RIPOR2: variants seen among roughly 807,000 people sequenced by gnomAD.
RIPOR2 encodes RHO family interacting cell polarization regulator 2.
Under a neutral mutation model 114.5 loss-of-function variants are expected in RIPOR2, and 39 were observed. That is an observed-to-expected ratio of 0.34 (90% CI 0.26 to 0.44). The LOEUF (loss-of-function observed/expected upper bound fraction) is 0.44, where lower values mean the gene tolerates loss of function less well. RIPOR2 is among the 20% of genes least tolerant of loss of function. The probability of loss-of-function intolerance (pLI) is 1.00; values close to 1 mark genes in which losing one functional copy is unlikely to be tolerated. For synonymous variants in RIPOR2, 445 were observed against 484.4 expected (o/e 0.92, Z 1.07); for missense variants, 1,007 against 1,255.1 (o/e 0.80, Z 2.99).
intron 1 of RIPOR2, among the ~76,000 whole-genome samples, chr6:24,907,765 T>C (rs2114048661): frequency 6.6e-6 from 1 of 152,264 alleles, no homozygotes; most frequent in African/African-American, 2.4e-5. Flanking sequence ...TATAAGTAAA[T>C]GAAATGAAGA....
chr6:24,906,307 C>T (rs974007773), intron 1 of RIPOR2, among the ~76,000 whole-genome samples: 7 of 152,166 alleles, frequency 4.6e-5, no homozygotes, highest in Admixed American at 1.3e-4. Context: ...ACCCTCTGTG[C>T]CTTCAGGGAG....
At chr6:24,819,607 G>A (rs1240744908) in intron 19 of RIPOR2, among the ~76,000 whole-genome samples, 3 of 141,622 alleles carry the variant, frequency 2.1e-5, no homozygotes, top group Admixed American at 7.5e-5. Flanking sequence ...TCCATCTCCC[G>A]GGTTCAAGAG....
intron 19 of RIPOR2, among the ~76,000 whole-genome samples, chr6:24,823,369 C>T (rs1759868793): frequency 6.6e-6 from 1 of 152,200 alleles, no homozygotes; most frequent in Non-Finnish European, 1.5e-5. Flanking sequence ...TCCTTGGAGG[C>T]TCAGTTTCCT....
chr6:24,994,820 A>G (rs1454963637), intron 1 of RIPOR2, among the ~76,000 whole-genome samples: 1 of 152,176 alleles, frequency 6.6e-6, no homozygotes, highest in African/African-American at 2.4e-5. Flanking sequence ...CCCCATCTCT[A>G]CTTGAGCTTA....
rs1396702967 is a variant in RIPOR2, at chr6:24,809,781, C to T, written c.2979G>A (p.Val993=). ...CTTCAGTATCAGATTGACACAATGT[C>T]ACCAGCATTTTAATGCTTTCAGTAG... is the stretch of plus-strand genomic sequence containing the variant. The part of the protein sequence containing the change: ...LEATESIKML[V]TLCQSDTEEI... Residue 993 remains valine, a synonymous_variant, in exon 21 of 22, where the codon GTG becomes GTA. Transcript: ENST00000643898. 2 of 1,550,692 alleles carry T rather than the reference C, an allele frequency of 1.3e-6. No individual in the cohort carries two copies. The highest frequency in any genetic ancestry group is 2.4e-5 in the South Asian group (2 of 84,032).
chr6:24,997,046 T>C (rs1328949203), intron 1 of RIPOR2, among the ~76,000 whole-genome samples: 3 of 152,238 alleles, frequency 2.0e-5, no homozygotes, highest in Non-Finnish European at 4.4e-5. Flanking sequence ...CAGTTTCAAA[T>C]GTGAATTACT....
At chr6:25,002,464 G>A (rs1775364921) in intron 1 of RIPOR2, among the ~76,000 whole-genome samples, 1 of 152,170 alleles carries the variant, frequency 6.6e-6, no homozygotes, top group South Asian at 2.1e-4. Flanking sequence ...TAGGAAATAA[G>A]GTCCACTGTG....
At chr6:24,905,769 G>A (rs1241669431) in intron 1 of RIPOR2, among the ~76,000 whole-genome samples, 5 of 152,172 alleles carry the variant, frequency 3.3e-5, no homozygotes, top group Non-Finnish European at 5.9e-5. Context: ...GGAAAATCAC[G>A]TGTGCTTTTA....
At chr6:24,886,746 G>C (rs772252394) in intron 1 of RIPOR2, among the ~76,000 whole-genome samples, 1 of 152,148 alleles carries the variant, frequency 6.6e-6, no homozygotes, top group Admixed American at 6.5e-5. Context: ...TTGATCAGTT[G>C]GTTAAAGTGT....
intron 1 of RIPOR2, chr6:25,024,098 A>G: frequency 2.5e-6 from 2 of 787,122 alleles, no homozygotes; most frequent in East Asian, 2.5e-5. Flanking sequence ...AGCGAGTACC[A>G]GGTGAGCTCA....
intron 8 of RIPOR2, 24 bp downstream of exon 8, chr6:24,860,949 C>G (rs1206526423): frequency 2.7e-6 from 4 of 1,488,600 alleles, no homozygotes; most frequent in East Asian, 4.6e-5. Flanking sequence ...GCTCCTTATT[C>G]TCTCTAAACA....
chr6:24,865,831 T>C lies in RIPOR2; in HGVS notation c.502-381A>G, dbSNP rs141952535. Among the ~76,000 whole-genome samples the C allele has an allele frequency of 3.9e-4, 59 of 152,150 alleles. No individual in the cohort carries two copies. In the East Asian group the frequency reaches 9.2e-3, roughly 24 times the overall value. ...AAATAAGTATTAAACAAATAAGTAT[T>C]AAATAATAAAAATAATTAAGTATTA... On this transcript the variant is annotated intron_variant, in intron 6 of 21. Coordinates refer to ENST00000643898, the MANE Select transcript of RIPOR2 (RefSeq NM_001286445.3).
At chr6:24,817,976 C>CTATTTTTTTTTTTT (rs758675486) in intron 20 of RIPOR2, among the ~76,000 whole-genome samples, 1 of 84,448 alleles carries the variant, frequency 1.2e-5, no homozygotes, top group South Asian at 3.1e-4. Context: ...CTCTCTCTCT[C>CTATTTTTTTTTTTT]TCTTTTTTTT....
intron 1 of RIPOR2, among the ~76,000 whole-genome samples, chr6:24,902,508 C>T (rs1297948198): frequency 6.6e-6 from 1 of 152,140 alleles, no homozygotes; most frequent in Non-Finnish European, 1.5e-5. Flanking sequence ...CAAGCCACCG[C>T]GACTGGCACT....
intron 1 of RIPOR2, among the ~76,000 whole-genome samples, chr6:25,001,371 T>A (rs1259839713): frequency 6.6e-6 from 1 of 152,052 alleles, no homozygotes; most frequent in Non-Finnish European, 1.5e-5. Context: ...ACGCGTGTAA[T>A]CCCAGCACTT....
At chr6:24,895,464 T>G (rs892821683) in intron 1 of RIPOR2, among the ~76,000 whole-genome samples, 2 of 151,976 alleles carry the variant, frequency 1.3e-5, no homozygotes, top group African/African-American at 4.8e-5. Flanking sequence ...CTTCTAGGGT[T>G]TAATTTTTCT....
chr6:24,847,790 C>T lies in RIPOR2; in HGVS notation c.1164+235G>A, dbSNP rs575571386. 70 of 1,288,410 alleles carry T rather than the reference C, an allele frequency of 5.4e-5. 2 individuals are homozygous for T. In the South Asian group the frequency reaches 9.5e-4, roughly 18 times the overall value. The allele number at this position is 1,288,410 out of a possible 1,614,324, so 79.8% of individuals were successfully genotyped here. A position where few individuals can be genotyped will look rare whatever the true frequency, so the allele number is the denominator to read the frequency against. ...AGCATTTTTGATTAAAACAAGGAGG[C>T]TATTATTTATATGCACTTCTTTAAA... is the stretch of plus-strand genomic sequence containing the variant. On this transcript the variant is annotated intron_variant, in intron 12 of 21. Coordinates refer to ENST00000643898, the MANE Select transcript of RIPOR2 (RefSeq NM_001286445.3).
chr6:24,917,177 A>G (rs1305227300), intron 1 of RIPOR2, among the ~76,000 whole-genome samples: 1 of 152,094 alleles, frequency 6.6e-6, no homozygotes, highest in Non-Finnish European at 1.5e-5. Context: ...ATAATCTAGA[A>G]TAGCCTTTTT....
intron 1 of RIPOR2, among the ~76,000 whole-genome samples, chr6:24,972,720 C>T (rs554371379): frequency 3.7e-4 from 57 of 152,250 alleles, no homozygotes; most frequent in African/African-American, 1.3e-3. Flanking sequence ...ACAATGACTG[C>T]CTTGGGAGGT....
Sources: allele counts gnomAD v4.1 joint callset (sites outside exome capture counted in the v4.1 genomes callset), GRCh38; gene constraint gnomAD v4.1.1; transcripts MANE v1.5; gene names NCBI Gene and HGNC (gene_info 2026-07-23, HGNC 2026-07-21).